PWWP2B: variants seen among roughly 807,000 people sequenced by gnomAD.
PWWP2B encodes the protein PWWP domain-containing protein 2B.
A neutral mutation model predicts 15.5 loss-of-function variants in PWWP2B; 9 were observed. The observed-to-expected ratio is 0.58, with a 90% CI of 0.35 to 1.02. The LOEUF (loss-of-function observed/expected upper bound fraction) is 1.02. Ranked by LOEUF, PWWP2B falls within the 50% of genes least tolerant of loss-of-function variation. PWWP2B has a pLI of 0.02. For synonymous variants in PWWP2B, 474 were observed against 403.6 expected (o/e 1.17, Z -2.09); for missense variants, 864 against 865.3 (o/e 1.00, Z 0.02).
rs776724527 is a variant in PWWP2B, at chr10:132,405,238, G to A, written c.738G>A (p.Gln246=). The change falls in exon 2 of 3, where the codon CAG becomes CAA. Residue 246 remains glutamine, a synonymous_variant. Coordinates refer to ENST00000305233, the MANE Select transcript of PWWP2B (RefSeq NM_138499.4). ...RREEDRAPAE[Q]VPRSPVIKIS... is the part of the protein sequence containing the mutation. ...AGGAGGACAGGGCCCCGGCAGAGCA[G>A]GTCCCGCGGAGCCCGGTCATCAAGA... 3 of 1,606,812 alleles carry A rather than the reference G, an allele frequency of 1.9e-6. No homozygotes were observed. The highest frequency in any genetic ancestry group is 2.5e-6 in the Non-Finnish European group (3 of 1,177,716).
Position 132,405,622 on chromosome 10 carries a change from C to T in PWWP2B, c.1122C>T (p.Ala374=), listed in dbSNP as rs374025458. The part of the protein sequence containing the change: ...SSPAPCADGP[A]GGLADLSSGS... ...CGGCGCCCTGTGCGGACGGCCCTGC[C>T]GGTGGGCTGGCGGACTTGTCTTCTG... is the stretch of plus-strand genomic sequence containing the variant. Residue 374 remains alanine, a synonymous_variant, in exon 2 of 3, where the codon GCC becomes GCT. Coordinates refer to ENST00000305233, the MANE Select transcript of PWWP2B (RefSeq NM_138499.4). 1.2e-5 allele frequency: 20 copies of T among 1,612,156 alleles called. No individual in the cohort carries two copies. The highest frequency in any genetic ancestry group is 5.5e-5 in the South Asian group (5 of 91,082).
intron 2 of PWWP2B, among the ~76,000 whole-genome samples, chr10:132,408,005 G>A (rs1234569301): frequency 5.9e-5 from 9 of 152,224 alleles, no homozygotes; most frequent in Admixed American, 5.9e-4. Context: ...CAGCCGGGAG[G>A]GAGGACGGGA....
chr10:132,405,846 G>A lies in PWWP2B; in HGVS notation c.1346G>A (p.Gly449Asp). ...TPADTGDLSP[G>D]HGASAPSVSR... ...GCAGACACGGGTGACCTCTCGCCTG[G>A]CCACGGCGCGTCAGCGCCCTCGGTG... The change falls in exon 2 of 3, where the codon GGC (glycine) becomes GAC (aspartate). Residue 449 changes from glycine to aspartate, a missense_variant. Gly to Asp is a moderately conservative substitution (Grantham distance 94, BLOSUM62 -1). This residue lies in a region of PWWP2B where 736 missense variants were observed against 687.7 expected (regional missense o/e 1.07). Transcript: ENST00000305233. 6.2e-7 allele frequency: 1 copy of A among 1,610,594 alleles called. No homozygotes were observed. The highest frequency in any genetic ancestry group is 8.5e-7 in the Non-Finnish European group (1 of 1,179,296).
Position 132,397,734 on chromosome 10 carries a change from C to T in PWWP2B, c.125+383C>T, listed in dbSNP as rs541163788. Among the ~76,000 whole-genome samples the T allele has an allele frequency of 2.0e-5, 3 of 152,328 alleles. No homozygotes were observed. In the East Asian group the frequency reaches 5.8e-4, roughly 29 times the overall value. The stretch of plus-strand genomic sequence containing the variant: ...AGGGTCAGATGCGCCGTGGCCTTGC[C>T]CTGGCAGTTCCTCACAGGTGGGGGT... On this transcript the variant is annotated intron_variant, in intron 1 of 2. Coordinates refer to ENST00000305233, the MANE Select transcript of PWWP2B (RefSeq NM_138499.4).
At chr10:132,401,407 G>A (rs1399656428) in intron 1 of PWWP2B, among the ~76,000 whole-genome samples, 1 of 147,460 alleles carries the variant, frequency 6.8e-6, no homozygotes, top group East Asian at 1.9e-4. Context: ...GGGCCCCCAT[G>A]GGGCCCCCAC....
In PWWP2B at chr10:132,405,384, A is replaced by G; in HGVS notation, c.884A>G (p.Glu295Gly). Residue 295 changes from glutamate (E) to glycine (G), a missense_variant, in exon 2 of 3, where the codon GAG becomes GGG. Around this residue, in one of 2 missense-constraint regions of PWWP2B, gnomAD observed 736 missense variants for 687.7 expected, o/e 1.07. Transcript: ENST00000305233. ...APQDDGSQDP[E>G]VLDRESRDRP... ...CAGGACGACGGCAGCCAGGACCCCG[A>G]GGTGCTGGACAGAGAGTCCCGGGAC... 6.2e-7 allele frequency: 1 copy of G among 1,611,106 alleles called. No individual in the cohort carries two copies. The highest frequency in any genetic ancestry group is 8.5e-7 in the Non-Finnish European group (1 of 1,179,092).
chr10:132,401,605 T>C (rs2069617269), intron 1 of PWWP2B, among the ~76,000 whole-genome samples: 2 of 152,214 alleles, frequency 1.3e-5, no homozygotes, highest in African/African-American at 4.8e-5. Context: ...GGAACTACAC[T>C]GCACCTGTGC....
chr10:132,417,158 G>A lies in PWWP2B; in HGVS notation c.*114G>A. ...GGCCGGCTGCGTGCAGAGCCCACTG[G>A]GCACGGTGGTCGGCCTGGTGTGAGG... On this transcript the variant is annotated 3_prime_UTR_variant, in exon 3 of 3. Transcript: ENST00000305233. 2 of 1,536,898 alleles carry A rather than the reference G, an allele frequency of 1.3e-6. No homozygotes were observed. Among genetic ancestry groups the A allele is most frequent in the Non-Finnish European group, 1.8e-6 (2 of 1,111,008 alleles).
Position 132,405,212 on chromosome 10 carries a change from G to A in PWWP2B, c.712G>A (p.Glu238Lys), listed in dbSNP as rs756758285. ...TARRSKRERR[E>K]EDRAPAEQVP... ...CAGGAGGAGCAAGAGGGAGAGGCGC[G>A]AGGAGGACAGGGCCCCGGCAGAGCA... The change falls in exon 2 of 3, where the codon GAG (glutamate) becomes AAG (lysine). Residue 238 changes from glutamate to lysine, a missense_variant. By Grantham distance (56) the Glu-to-Lys change is moderately conservative (BLOSUM62 1). This residue lies in a region of PWWP2B where 736 missense variants were observed against 687.7 expected (regional missense o/e 1.07). Coordinates refer to ENST00000305233, the MANE Select transcript of PWWP2B (RefSeq NM_138499.4). 2.4e-5 allele frequency: 38 copies of A among 1,592,480 alleles called. No individual in the cohort carries two copies. Among genetic ancestry groups the A allele is most frequent in the South Asian group, 7.9e-5 (7 of 88,494 alleles).
Position 132,405,048 on chromosome 10 carries a change from G to A in PWWP2B, c.548G>A (p.Ser183Asn). ...CAGGTGCTCTGTGAGAAGTGCAAGA[G>A]CACGCTGAGCCCCCCGGAGGCCAGC... is the stretch of plus-strand genomic sequence containing the variant. ...PRQVLCEKCK[S>N]TLSPPEASPG... Residue 183 changes from serine (S) to asparagine (N), a missense_variant, in exon 2 of 3, where the codon AGC becomes AAC. Coordinates refer to ENST00000305233, the MANE Select transcript of PWWP2B (RefSeq NM_138499.4). 1 of 1,515,556 alleles carries A rather than the reference G, an allele frequency of 6.6e-7. No individual in the cohort carries two copies. The highest frequency in any genetic ancestry group is 1.4e-5 in the African/African-American group (1 of 71,590). The allele number at this position is 1,515,556 out of a possible 1,614,324, so 93.9% of individuals were successfully genotyped here.
intron 1 of PWWP2B, among the ~76,000 whole-genome samples, chr10:132,399,756 C>T (rs780170090): frequency 7.9e-5 from 12 of 152,316 alleles, no homozygotes; most frequent in East Asian, 1.9e-4. Flanking sequence ...TCCTGACCTG[C>T]GTTGTTTTGT....
intron 1 of PWWP2B, among the ~76,000 whole-genome samples, chr10:132,400,972 G>A (rs1331270709): frequency 6.6e-6 from 1 of 152,224 alleles, no homozygotes; most frequent in Non-Finnish European, 1.5e-5. Flanking sequence ...GGCGCTGCCA[G>A]CGAGTGCAGG....
At chr10:132,413,386 C>A (rs987124019) in intron 2 of PWWP2B, among the ~76,000 whole-genome samples, 1 of 152,160 alleles carries the variant, frequency 6.6e-6, no homozygotes, top group Admixed American at 6.5e-5. Flanking sequence ...GGAGGGTGCC[C>A]GCGGGCGTCC....
intron 2 of PWWP2B, among the ~76,000 whole-genome samples, chr10:132,411,618 C>T (rs993426032): frequency 1.3e-5 from 2 of 152,250 alleles, no homozygotes; most frequent in Admixed American, 6.5e-5. Flanking sequence ...GCATGGGCCG[C>T]TTCCGACCTT....
rs200353587 is a variant in PWWP2B, at chr10:132,417,019, G to A, written c.*17-42G>A. On this transcript the variant is annotated intron_variant, in intron 2 of 2. Coordinates refer to ENST00000305233, the MANE Select transcript of PWWP2B (RefSeq NM_138499.4). ...CTTGAGGGGCTGGTCCCCCATACTC[G>A]ACCCTGAGTTAAATCTCTGCCCCTT... The A allele has an allele frequency of 6.0e-5, 96 of 1,612,576 alleles. 1 individual carries two copies. In the East Asian group the frequency reaches 9.1e-4, roughly 15 times the overall value.
At chr10:132,403,468 G>A (rs1029722995) in intron 1 of PWWP2B, among the ~76,000 whole-genome samples, 6 of 152,198 alleles carry the variant, frequency 3.9e-5, no homozygotes, top group Admixed American at 1.3e-4. Flanking sequence ...ATCAGCGTTC[G>A]CAGAACTGTT....
chr10:132,410,952 C>T (rs923147113), intron 2 of PWWP2B, among the ~76,000 whole-genome samples: 26 of 152,312 alleles, frequency 1.7e-4, no homozygotes, highest in African/African-American at 6.0e-4. Context: ...CTTTTGGGGG[C>T]GTACCCAGCA....
chr10:132,399,275 C>A (rs1464363127), intron 1 of PWWP2B, among the ~76,000 whole-genome samples: 1 of 152,256 alleles, frequency 6.6e-6, no homozygotes, highest in Non-Finnish European at 1.5e-5. Context: ...GGAAGAGCTG[C>A]TGGGAGCCCT....
At chr10:132,415,664 C>G (rs1450849423) in intron 2 of PWWP2B, among the ~76,000 whole-genome samples, 2 of 147,398 alleles carry the variant, frequency 1.4e-5, no homozygotes, top group Admixed American at 1.3e-4. Flanking sequence ...CATGCACTCA[C>G]ACACTCACAC....
Sources: gnomAD v4.1 joint callset for allele counts (sites outside exome capture counted in the v4.1 genomes callset) on GRCh38, gnomAD v4.1.1 for gene constraint, gnomAD v4.1.1 regional missense constraint, MANE v1.5 for transcripts, NCBI Gene and HGNC (gene_info 2026-07-23, HGNC 2026-07-21) for gene names.